TMEM248: variants seen among roughly 807,000 people sequenced by gnomAD.
TMEM248 encodes the protein transmembrane protein 248.
In TMEM248, 9 loss-of-function variants were observed where a neutral mutation model predicts 30.3. That is an observed-to-expected ratio of 0.30 (90% CI 0.18 to 0.52). TMEM248 has a LOEUF of 0.52. Among genes scored for constraint, TMEM248 ranks in the 20% least tolerant of loss-of-function variants. TMEM248 has a pLI of 0.97. For missense variants in TMEM248, 338 were observed against 403.3 expected (o/e 0.84, Z 1.39); for synonymous variants, 184 against 154.4 (o/e 1.19, Z -1.42).
Position 66,956,479 on chromosome 7 carries a change from C to T in TMEM248, c.*957C>T, listed in dbSNP as rs1792406333. The T allele has an allele frequency of 6.6e-6, 1 of 152,140 alleles. No individual in the cohort carries two copies. The highest frequency in any genetic ancestry group is 1.5e-5 in the Non-Finnish European group (1 of 68,022). The allele number at this position is 152,140 out of a possible 1,614,324, so 9.4% of individuals were successfully genotyped here. A position where few individuals can be genotyped will look rare whatever the true frequency, so the allele number is the denominator to read the frequency against. On this transcript the variant is annotated 3_prime_UTR_variant, in exon 7 of 7. Transcript: ENST00000341567. Reference sequence around the variant, plus strand: ...GATTCTATCTAATAGGAAAGGATTTCTTCTTTCTTTTTTAAAGAGTGGGTG... The same window carrying T: ...GATTCTATCTAATAGGAAAGGATTTTTTCTTTCTTTTTTAAAGAGTGGGTG...
intron 1 of TMEM248, among the ~76,000 whole-genome samples, chr7:66,937,716 T>G (rs1366837534): frequency 6.6e-6 from 1 of 152,192 alleles, no homozygotes; most frequent in Non-Finnish European, 1.5e-5. Flanking sequence ...CATTTCTTTA[T>G]TTTCTTTTTT....
rs1343813020 is a variant in TMEM248, at chr7:66,945,102, G to GCTT, written c.288_290dup (p.Ser97dup). ...TACAATGACCAGCGGGCAGGCCCGA[G>GCTT]CTTCCACCCAGTCCCCCCAGGCCCT... On this transcript the variant is annotated inframe_insertion, in exon 3 of 7. Transcript: ENST00000341567. 3 of 1,614,114 alleles carry GCTT rather than the reference G, an allele frequency of 1.9e-6. No individual in the cohort carries two copies. In the South Asian group the frequency reaches 3.3e-5, roughly 18 times the overall value.
rs1398367875 is a variant in TMEM248, at chr7:66,957,389, T to G, written c.*1867T>G. 2 of 152,246 alleles carry G rather than the reference T, an allele frequency of 1.3e-5. No homozygotes were observed. Among genetic ancestry groups the G allele is most frequent in the Non-Finnish European group, 2.9e-5 (2 of 68,048 alleles). 9.4% of individuals were successfully genotyped at this position (152,246 alleles called of 1,614,324 possible). The stretch of plus-strand genomic sequence containing the variant: ...GATATGTTAGTATTTTTCTTTTTCC[T>G]TTTAGTATGTTTCAAGTGCAGTAAT... On this transcript the variant is annotated 3_prime_UTR_variant, in exon 7 of 7. Transcript: ENST00000341567.
rs1792054732 is a variant in TMEM248 at position 66,944,970 on chromosome 7, C to T, written c.160-6C>T. On this transcript the variant is annotated splice_region_variant and splice_polypyrimidine_tract_variant and intron_variant, in intron 2 of 6. Transcript: ENST00000341567. Reference sequence around the variant, plus strand: ...ACCCATTTCTCTTTCTTTCACTTTCCCAAAGGATTGGAATACTTTTCTGCT... The same window carrying T: ...ACCCATTTCTCTTTCTTTCACTTTCTCAAAGGATTGGAATACTTTTCTGCT... 4.3e-6 allele frequency: 7 copies of T among 1,612,876 alleles called. No homozygotes were observed. In the South Asian group the frequency reaches 7.7e-5, roughly 18 times the overall value.
intron 1 of TMEM248, among the ~76,000 whole-genome samples, chr7:66,936,559 CT>C (rs981956267): frequency 2.0e-5 from 3 of 151,918 alleles, no homozygotes; most frequent in Non-Finnish European, 4.4e-5. Flanking sequence ...CAGGGTGATA[CT>C]GGACTCCTAG....
chr7:66,927,283 C>T (rs1159610885), intron 1 of TMEM248, among the ~76,000 whole-genome samples: 5 of 152,130 alleles, frequency 3.3e-5, no homozygotes, highest in African/African-American at 4.8e-5. Context: ...GAGAAATAAA[C>T]GGGAAGTCTG....
intron 1 of TMEM248, among the ~76,000 whole-genome samples, chr7:66,934,670 T>A (rs1447905004): frequency 3.3e-5 from 5 of 152,204 alleles, no homozygotes; most frequent in Non-Finnish European, 7.3e-5. Context: ...TTGAAGTGAA[T>A]TCTAATTCAG....
At chr7:66,932,712 C>A in intron 1 of TMEM248, among the ~76,000 whole-genome samples, 1 of 151,156 alleles carries the variant, frequency 6.6e-6, no homozygotes. Flanking sequence ...GATGGGGTTT[C>A]ACCATGTTGC....
At chr7:66,946,470 C>T (rs1439535835) in intron 3 of TMEM248, among the ~76,000 whole-genome samples, 1 of 151,912 alleles carries the variant, frequency 6.6e-6, no homozygotes, top group African/African-American at 2.4e-5. Flanking sequence ...ATCCCAGCCA[C>T]TCTGGAGGCT....
chr7:66,948,824 G>T, intron 4 of TMEM248, 130 bp downstream of exon 4: 1 of 983,928 alleles, frequency 1.0e-6, no homozygotes, highest in Non-Finnish European at 1.5e-6. Flanking sequence ...TCTCTACTCG[G>T]ACCTATCTAA....
At position 66,948,533 on chromosome 7, in the gene TMEM248, C is replaced by A. The variant is rs777197595; in HGVS notation, c.446-11C>A. The A allele has an allele frequency of 2.5e-6, 4 of 1,610,374 alleles. No homozygotes were observed. In the African/African-American group the frequency reaches 4.0e-5, roughly 16 times the overall value. On this transcript the variant is annotated splice_polypyrimidine_tract_variant and intron_variant, in intron 3 of 6. Transcript: ENST00000341567. ...TCTTGACTTTATAAAAAAATGATTT[C>A]TCTTTCATAGGCAGGGAAGCCCACG...
intron 6 of TMEM248, among the ~76,000 whole-genome samples, chr7:66,953,761 C>T (rs907987511): frequency 2.6e-5 from 4 of 151,646 alleles, no homozygotes; most frequent in African/African-American, 9.7e-5. Flanking sequence ...CAAGCCACCG[C>T]GTCCCACTAA....
At chr7:66,931,127 A>G (rs1791652553) in intron 1 of TMEM248, among the ~76,000 whole-genome samples, 1 of 151,716 alleles carries the variant, frequency 6.6e-6, no homozygotes, top group Admixed American at 6.6e-5. Context: ...ACATGGTGAA[A>G]CCCCATCTCT....
At chr7:66,933,479 T>TA (rs1006535406) in intron 1 of TMEM248, among the ~76,000 whole-genome samples, 1 of 152,230 alleles carries the variant, frequency 6.6e-6, no homozygotes, top group African/African-American at 2.4e-5. Context: ...TTTGGAGCAA[T>TA]GGGTGTTTCC....
At position 66,954,006 on chromosome 7, in the gene TMEM248, C is replaced by A. The variant is rs1298457699; in HGVS notation, c.924+637C>A. Among the ~76,000 whole-genome samples, 11 of 143,470 alleles carry A rather than the reference C, an allele frequency of 7.7e-5. No homozygotes were observed. The East Asian group carries it at 2.3e-3, about 30-fold the overall frequency. 94.1% of individuals were successfully genotyped at this position (143,470 alleles called of 152,430 possible). ...TCACCAAGGCTGGAGTGCTGTGGCA[C>A]GATCTTGGCTCACTGCAACCTCTGC... On this transcript the variant is annotated intron_variant, in intron 6 of 6. Coordinates refer to ENST00000341567, the MANE Select transcript of TMEM248 (RefSeq NM_017994.5).
intron 1 of TMEM248, among the ~76,000 whole-genome samples, chr7:66,925,503 G>T (rs1791499029): frequency 6.6e-6 from 1 of 151,968 alleles, no homozygotes; most frequent in Non-Finnish European, 1.5e-5. Context: ...CCACATATAA[G>T]TGGAATCCTA....
chr7:66,926,916 T>C (rs1290577212), intron 1 of TMEM248, among the ~76,000 whole-genome samples: 1 of 152,136 alleles, frequency 6.6e-6, no homozygotes, highest in Admixed American at 6.6e-5. Flanking sequence ...GTTTGGACTT[T>C]TGTGTTGTTT....
intron 2 of TMEM248, among the ~76,000 whole-genome samples, chr7:66,943,382 A>G (rs908948460): frequency 7.2e-5 from 11 of 152,224 alleles, no homozygotes; most frequent in Admixed American, 6.5e-5. Flanking sequence ...CAGCTGTTCA[A>G]CGTGGACTCC....
Position 66,941,859 on chromosome 7 carries a change from C to G in TMEM248, c.-7C>G. ...TTCATTTCTTTCAGGTGGAGCTGAT[C>G]AGAATAATGTTCAGCATCAACCCCC... On this transcript the variant is annotated 5_prime_UTR_variant, in exon 2 of 7. The change creates a new upstream start codon in the 5' untranslated region. Transcript: ENST00000341567. 1 of 1,609,672 alleles carries G rather than the reference C, an allele frequency of 6.2e-7. No individual in the cohort carries two copies. The highest frequency in any genetic ancestry group is 8.5e-7 in the Non-Finnish European group (1 of 1,177,574).
Sources: gnomAD v4.1 joint callset for allele counts (sites outside exome capture counted in the v4.1 genomes callset) on GRCh38, gnomAD v4.1.1 for gene constraint, MANE v1.5 for transcripts, NCBI Gene and HGNC (gene_info 2026-07-23, HGNC 2026-07-21) for gene names.